OR52E4: variants seen among roughly 807,000 people sequenced by gnomAD.
OR52E4 encodes the protein olfactory receptor family 52 subfamily E member 4, also known as olfactory receptor 52E4.
For missense variants in OR52E4, 444 were observed against 383.8 expected (o/e 1.16, Z -1.31); for synonymous variants, 169 against 137.4 (o/e 1.23, Z -1.61).
intron 1 of OR52E4, among the ~76,000 whole-genome samples, chr11:5,882,071 G>A (rs373011343): frequency 1.3e-5 from 2 of 152,022 alleles, no homozygotes; most frequent in Non-Finnish European, 2.9e-5. Context: ...CTTTTCAGAT[G>A]GACTCCAGTA....
rs1157399274 is a variant in OR52E4, at chr11:5,885,400, T to C, written c.*169T>C. The C allele has an allele frequency of 3.3e-5, 18 of 552,754 alleles. No individual in the cohort carries two copies. In the East Asian group the frequency reaches 5.0e-4, roughly 15 times the overall value. The allele number at this position is 552,754 out of a possible 1,614,324, so 34.2% of individuals were successfully genotyped here. On this transcript the variant is annotated 3_prime_UTR_variant, in exon 2 of 2. Coordinates refer to ENST00000641726, the MANE Select transcript of OR52E4 (RefSeq NM_001005165.2). ...ATGCAAACTTAAAACCTTTGCTGCC[T>C]GTTTCCCCTACTTCTCTCCAAGTAC...
In OR52E4 at chr11:5,885,329, T is replaced by C. The variant is rs769965670; in HGVS notation, c.*98T>C. Reference sequence around the variant, plus strand: ...CTTCTGTAACAGTTGGTCATGCTTGTCAGATTTTTTCCTTTTGACTGGAAG... The same window carrying C: ...CTTCTGTAACAGTTGGTCATGCTTGCCAGATTTTTTCCTTTTGACTGGAAG... On this transcript the variant is annotated 3_prime_UTR_variant, in exon 2 of 2. Coordinates refer to ENST00000641726, the MANE Select transcript of OR52E4 (RefSeq NM_001005165.2). 180 of 861,072 alleles carry C rather than the reference T, an allele frequency of 2.1e-4. 1 individual carries two copies. Among genetic ancestry groups the C allele is most frequent in the Non-Finnish European group, 3.6e-5 (21 of 578,634 alleles). 53.3% of individuals were successfully genotyped at this position (861,072 alleles called of 1,614,324 possible).
rs1175286319 is a variant in OR52E4 at position 5,886,811 on chromosome 11, A to C, written c.*1580A>C. On this transcript the variant is annotated 3_prime_UTR_variant, in exon 2 of 2. Transcript: ENST00000641726. ...AAGTACGCAGATAACGATTTTAGGA[A>C]ATGGGGGCGGATATAGCCAAGTAGA... 1 of 152,138 alleles carries C rather than the reference A, an allele frequency of 6.6e-6. No individual in the cohort carries two copies. The highest frequency in any genetic ancestry group is 1.5e-5 in the Non-Finnish European group (1 of 68,026). 9.4% of individuals were successfully genotyped at this position (152,138 alleles called of 1,614,324 possible). A position where few individuals can be genotyped will look rare whatever the true frequency, so the allele number is the denominator to read the frequency against.
Position 5,884,990 on chromosome 11 carries a change from A to T in OR52E4, c.698A>T (p.Asp233Val), listed in dbSNP as rs1470187484. 6.2e-7 allele frequency: 1 copy of T among 1,613,062 alleles called. No individual in the cohort carries two copies. The highest frequency in any genetic ancestry group is 1.1e-5 in the South Asian group (1 of 91,054). Reference sequence around the variant, plus strand: ...GCTGTTTTTCGCCTTCCCTCTCAAGATGTCCGACTAAAGGCCTTCAATACC... The same window carrying T: ...GCTGTTTTTCGCCTTCCCTCTCAAGTTGTCCGACTAAAGGCCTTCAATACC... ...LRAVFRLPSQ[D>V]VRLKAFNTCG... The change falls in exon 2 of 2, where the codon GAT becomes GTT. Residue 233 changes from aspartate (D) to valine (V), a missense_variant. Coordinates refer to ENST00000641726, the MANE Select transcript of OR52E4 (RefSeq NM_001005165.2).
intron 1 of OR52E4, among the ~76,000 whole-genome samples, chr11:5,882,252 T>G (rs1379015504): frequency 1.3e-5 from 2 of 152,096 alleles, no homozygotes; most frequent in Admixed American, 6.6e-5. Context: ...TGCTGGCAGC[T>G]TTGAATTTTA....
At chr11:5,883,856 C>T (rs1846997456) in intron 1 of OR52E4, among the ~76,000 whole-genome samples, 1 of 152,016 alleles carries the variant, frequency 6.6e-6, no homozygotes, top group East Asian at 1.9e-4. Flanking sequence ...TAGTTTTGAG[C>T]TTGTGAACTT....
intron 1 of OR52E4, among the ~76,000 whole-genome samples, chr11:5,881,389 T>C (rs1304825613): frequency 6.6e-6 from 1 of 152,150 alleles, no homozygotes; most frequent in African/African-American, 2.4e-5. Context: ...ATCCACTTTA[T>C]CCATTCATCA....
At position 5,884,469 on chromosome 11, in the gene OR52E4, GC is replaced by G; in HGVS notation, c.180del (p.Met61CysfsTer10). ...VIKTEHSLHQ[P>X]MFYFLAMLSM... ...TCAAAACTGAACATAGTCTACACCAGCCCATGTTCTACTTCCTGGCCATGTT... is the reference window on the plus strand; with the variant it reads ...TCAAAACTGAACATAGTCTACACCAGCCATGTTCTACTTCCTGGCCATGTT... On this transcript the variant is annotated frameshift_variant, in exon 2 of 2. Coordinates refer to ENST00000641726, the MANE Select transcript of OR52E4 (RefSeq NM_001005165.2). LOFTEE classifies it low-confidence loss of function (END_TRUNC). The G allele has an allele frequency of 6.2e-7, 1 of 1,613,506 alleles. No individual in the cohort carries two copies. The highest frequency in any genetic ancestry group is 8.5e-7 in the Non-Finnish European group (1 of 1,179,644).
rs1272415148 is a variant in OR52E4 at position 5,884,574 on chromosome 11, C to G, written c.282C>G (p.Ile94Met). 2 of 1,613,472 alleles carry G rather than the reference C, an allele frequency of 1.2e-6. No individual in the cohort carries two copies. The highest frequency in any genetic ancestry group is 2.2e-5 in the South Asian group (2 of 91,070). The change falls in exon 2 of 2, where the codon ATC becomes ATG. Residue 94 changes from isoleucine (I) to methionine (M), a missense_variant. Ile to Met is a conservative substitution (Grantham distance 10). Transcript: ENST00000641726. Reference protein sequence around the residue: ...LGIFWFNLQEISFGGCLLQMF... With the variant: ...LGIFWFNLQEMSFGGCLLQMF... ...TCTTCTGGTTCAACCTCCAAGAGAT[C>G]AGCTTTGGGGGATGCCTTCTTCAGA...
intron 1 of OR52E4, among the ~76,000 whole-genome samples, chr11:5,880,942 CTT>C (rs1285438150): frequency 1.3e-5 from 2 of 151,962 alleles, no homozygotes; most frequent in South Asian, 4.1e-4. Flanking sequence ...TCTCTCCCCC[CTT>C]TCTCTCTGCC....
At position 5,884,494 on chromosome 11, in the gene OR52E4, T is replaced by C. The variant is rs1847009282; in HGVS notation, c.202T>C (p.Leu68=). 4 of 1,613,524 alleles carry C rather than the reference T, an allele frequency of 2.5e-6. No individual in the cohort carries two copies. The highest frequency in any genetic ancestry group is 3.4e-6 in the Non-Finnish European group (4 of 1,179,636). ...GCCCATGTTCTACTTCCTGGCCATG[T>C]TGTCTATGATTGATCTGGGTCTGTC... ...HQPMFYFLAM[L]SMIDLGLSTS... is the part of the protein sequence containing the mutation. The change falls in exon 2 of 2, where the codon TTG becomes CTG. Residue 68 remains leucine, a synonymous_variant. Coordinates refer to ENST00000641726, the MANE Select transcript of OR52E4 (RefSeq NM_001005165.2).
chr11:5,886,480 G>A lies in OR52E4; in HGVS notation c.*1249G>A, dbSNP rs962446402. The A allele has an allele frequency of 2.0e-5, 3 of 151,906 alleles. No individual in the cohort carries two copies. Among genetic ancestry groups the A allele is most frequent in the African/African-American group, 7.3e-5 (3 of 41,352 alleles). 9.4% of individuals were successfully genotyped at this position (151,906 alleles called of 1,614,324 possible). A position where few individuals can be genotyped will look rare whatever the true frequency, so the allele number is the denominator to read the frequency against. On this transcript the variant is annotated 3_prime_UTR_variant, in exon 2 of 2. Coordinates refer to ENST00000641726, the MANE Select transcript of OR52E4 (RefSeq NM_001005165.2). ...CAGACAAAATATATAAAACTTATGA[G>A]ACTTTATAAAACTTAGAAAAACAAT...
rs1245324289 is a variant in OR52E4, at chr11:5,886,259, CACTG to C, written c.*1032_*1035del. On this transcript the variant is annotated 3_prime_UTR_variant, in exon 2 of 2. Transcript: ENST00000641726. ...CTATTAGTTCAGTCCCTCTAGAGAA[CACTG>C]ACTAATACACTTTTCTTTTACATTC... 7.9e-5 allele frequency: 12 copies of C among 151,824 alleles called. No individual in the cohort carries two copies. Among genetic ancestry groups the C allele is most frequent in the African/African-American group, 2.7e-4 (11 of 41,332 alleles). 9.4% of individuals were successfully genotyped at this position (151,824 alleles called of 1,614,324 possible). A position where few individuals can be genotyped will look rare whatever the true frequency, so the allele number is the denominator to read the frequency against.
chr11:5,884,434 C>T lies in OR52E4; in HGVS notation c.142C>T (p.Leu48Phe), dbSNP rs762496042. 3.8e-5 allele frequency: 62 copies of T among 1,613,284 alleles called. No individual in the cohort carries two copies. In the East Asian group the frequency reaches 1.3e-3, roughly 33 times the overall value. Residue 48 changes from leucine to phenylalanine, a missense_variant, in exon 2 of 2, where the codon CTC (leucine) becomes TTC (phenylalanine). Transcript: ENST00000641726. ...LIAIVGNMTI[L>F]FVIKTEHSLH... ...TGCCATTGTGGGGAATATGACCATT[C>T]TCTTTGTGATCAAAACTGAACATAG...
intron 1 of OR52E4, among the ~76,000 whole-genome samples, chr11:5,883,285 A>C (rs1333694446): frequency 6.6e-6 from 1 of 152,062 alleles, no homozygotes; most frequent in African/African-American, 2.4e-5. Flanking sequence ...CATCAAAATT[A>C]GTAATTAATC....
At position 5,884,721 on chromosome 11, in the gene OR52E4, C is replaced by T; in HGVS notation, c.429C>T (p.Ile143=). 1 of 1,613,626 alleles carries T rather than the reference C, an allele frequency of 6.2e-7. No individual in the cohort carries two copies. Among genetic ancestry groups the T allele is most frequent in the Non-Finnish European group, 8.5e-7 (1 of 1,179,756 alleles). The part of the protein sequence containing the change: ...QYTMILTNKT[I]SILASVVVGR... ...CCATGATCCTCACCAATAAAACCAT[C>T]AGTATCCTAGCTTCTGTGGTTGTTG... Residue 143 remains isoleucine (I), a synonymous_variant, in exon 2 of 2, where the codon ATC becomes ATT. Transcript: ENST00000641726.
intron 1 of OR52E4, among the ~76,000 whole-genome samples, chr11:5,882,234 G>A (rs1032770003): frequency 6.6e-6 from 1 of 152,040 alleles, no homozygotes; most frequent in Non-Finnish European, 1.5e-5. Context: ...ACTGTGAGAG[G>A]GTGGATGTGC....
chr11:5,882,476 C>G (rs1449669353), intron 1 of OR52E4, among the ~76,000 whole-genome samples: 1 of 151,966 alleles, frequency 6.6e-6, no homozygotes, highest in Non-Finnish European at 1.5e-5. Flanking sequence ...TTCCTCAATA[C>G]TGGCAAACAT....
At chr11:5,882,512 A>T (rs1187010522) in intron 1 of OR52E4, among the ~76,000 whole-genome samples, 2 of 151,450 alleles carry the variant, frequency 1.3e-5, no homozygotes, top group Non-Finnish European at 2.9e-5. Flanking sequence ...ATTTTCTCTC[A>T]GCTTCTCGGG....
Sources: gnomAD v4.1 joint callset for allele counts (sites outside exome capture counted in the v4.1 genomes callset) on GRCh38, gnomAD v4.1.1 for gene constraint, MANE v1.5 for transcripts, NCBI Gene and HGNC (gene_info 2026-07-23, HGNC 2026-07-21) for gene names.